Variants in CRIP2 observed in about 807,000 individuals in gnomAD.
CRIP2 encodes cysteine rich protein 2.
CRIP2 carries 31 observed loss-of-function variants against 31.3 expected under a neutral mutation model. The observed-to-expected ratio is 0.99, with a 90% CI of 0.74 to 1.34. CRIP2 has a LOEUF of 1.34. CRIP2 is among the 40% of genes most tolerant of loss of function. The pLI is 0.00. For missense variants in CRIP2, 389 were observed against 301.6 expected, an observed-to-expected ratio of 1.29 and a Z score of -2.15; for synonymous variants, 177 against 127.2, an observed-to-expected ratio of 1.39 and a Z score of -2.63.
chr14:105,478,604 C>T lies in CRIP2; in HGVS notation c.196+97C>T. 1 of 1,522,432 alleles carries T rather than the reference C, an allele frequency of 6.6e-7. No individual in the cohort carries two copies. Among genetic ancestry groups the T allele is most frequent in the African/African-American group, 1.4e-5 (1 of 72,722 alleles). 94.3% of individuals were successfully genotyped at this position (1,522,432 alleles called of 1,614,324 possible). On this transcript the variant is annotated intron_variant, in intron 3 of 7. Transcript: ENST00000329146. The surrounding 1 kb of genome is among the most constrained non-coding windows in gnomAD (Gnocchi z 4.9). ...TGGGGGTCCCGGCCGCCGTGGATCC[C>T]CGCCCAGAGTCCCTGCCACCCTGGA...
In CRIP2 at chr14:105,474,839, G is replaced by A; in HGVS notation, c.-24G>A. On this transcript the variant is annotated 5_prime_UTR_variant, in exon 1 of 8. Transcript: ENST00000329146. The surrounding 1 kb of genome is among the most constrained non-coding windows in gnomAD (Gnocchi z 5.1). ...GCCCGGAGGAGAACGGGCGGAGGGC[G>A]CGGGCCGACCGGGCGCACCGACCAT... 4.1e-6 allele frequency: 6 copies of A among 1,464,680 alleles called. No homozygotes were observed. Among genetic ancestry groups the A allele is most frequent in the Non-Finnish European group, 5.4e-6 (6 of 1,101,486 alleles). The allele number at this position is 1,464,680 out of a possible 1,614,324, so 90.7% of individuals were successfully genotyped here.
At position 105,478,561 on chromosome 14, in the gene CRIP2, G is replaced by T; in HGVS notation, c.196+54G>T. The T allele has an allele frequency of 1.3e-6, 2 of 1,569,040 alleles. No individual in the cohort carries two copies. The highest frequency in any genetic ancestry group is 1.7e-6 in the Non-Finnish European group (2 of 1,159,122). On this transcript the variant is annotated intron_variant, in intron 3 of 7. Transcript: ENST00000329146. This position sits in a 1 kb window ranked among gnomAD's most constrained non-coding sequence, Gnocchi z 4.9. ...TGGGACCTGCTGGGAGGGGCGTGGC[G>T]CTGGCGCTGGGGAGGGCTGGGGGTC...
chr14:105,478,157 C>A lies in CRIP2; in HGVS notation c.44-109C>A. On this transcript the variant is annotated intron_variant, in intron 1 of 7. Transcript: ENST00000329146. This position sits in a 1 kb window ranked among gnomAD's most constrained non-coding sequence, Gnocchi z 4.9. ...GGAAGGAAGGCGCCTGGGAGACCTC[C>A]TGAAAGTGGGGACCCCCGGAGCGCG... 1.2e-6 allele frequency: 1 copy of A among 867,614 alleles called. No homozygotes were observed. Among genetic ancestry groups the A allele is most frequent in the Non-Finnish European group, 1.7e-6 (1 of 596,568 alleles). 53.7% of individuals were successfully genotyped at this position (867,614 alleles called of 1,614,324 possible). A position where few individuals can be genotyped will look rare whatever the true frequency, so the allele number is the denominator to read the frequency against.
At chr14:105,479,342 C>T (rs2084035786) in intron 6 of CRIP2, 94 bp from the exon 7 acceptor site, 2 of 1,570,442 alleles carry the variant, frequency 1.3e-6, no homozygotes, top group African/African-American at 1.3e-5. Context: ...GCCCTCTCCC[C>T]CACGGCGAGC....
intron 1 of CRIP2, chr14:105,475,875 G>A: frequency 1.0e-6 from 1 of 985,520 alleles, no homozygotes; most frequent in Non-Finnish European, 1.2e-6. Flanking sequence ...GCAGAGAGGA[G>A]GGCCGGGACC....
rs1273735000 is a variant in CRIP2 at position 105,478,891 on chromosome 14, G to C, written c.337+20G>C. The stretch of plus-strand genomic sequence containing the variant: ...GCAGAGGTGGGCTGGGCGCGGGCTG[G>C]GGCTGGGGGTTGTGGGCACGCGCGG... On this transcript the variant is annotated intron_variant, in intron 4 of 7. Coordinates refer to ENST00000329146, the MANE Select transcript of CRIP2 (RefSeq NM_001312.4). This position sits in a 1 kb window ranked among gnomAD's most constrained non-coding sequence, Gnocchi z 4.9. The C allele has an allele frequency of 2.1e-6, 3 of 1,463,158 alleles. No homozygotes were observed. The highest frequency in any genetic ancestry group is 5.2e-5 in the East Asian group (2 of 38,738). The allele number at this position is 1,463,158 out of a possible 1,614,324, so 90.6% of individuals were successfully genotyped here. A position where few individuals can be genotyped will look rare whatever the true frequency, so the allele number is the denominator to read the frequency against.
At chr14:105,473,083 T>G, upstream of CRIP2, 1 of 795,940 alleles carries the variant, frequency 1.3e-6, no homozygotes, top group Non-Finnish European at 2.0e-6. Flanking sequence ...GGGAGGGTAA[T>G]GGCTTAGCCC....
chr14:105,479,622 A>ACCGGGACC lies in CRIP2; in HGVS notation c.600_607dup (p.Glu203GlyfsTer16), dbSNP rs2084046788. ...GGTGCGGTGGGCAGCTACATCTATGACCGGGACCCCGAAGGCAAGGTCCAG... is the reference window on the plus strand; with the variant it reads ...GGTGCGGTGGGCAGCTACATCTATGACCGGGACCCCGGGACCCCGAAGGCAAGGTCCAG... On this transcript the variant is annotated frameshift_variant, in exon 8 of 8. Transcript: ENST00000329146. LOFTEE classifies it high-confidence loss of function. 1 of 1,612,628 alleles carries ACCGGGACC rather than the reference A, an allele frequency of 6.2e-7. No homozygotes were observed. The highest frequency in any genetic ancestry group is 2.2e-5 in the East Asian group (1 of 44,898).
chr14:105,476,420 T>C, intron 1 of CRIP2: 1 of 985,406 alleles, frequency 1.0e-6, no homozygotes, highest in African/African-American at 1.7e-5. Context: ...CATACCTGAG[T>C]AGAACCCAGG....
At chr14:105,473,457 C>T (rs1555435171), upstream of CRIP2, 1 of 1,535,712 alleles carries the variant, frequency 6.5e-7, no homozygotes, top group Non-Finnish European at 8.7e-7. Flanking sequence ...GCCAGGAGCA[C>T]CGAGGGCCTC....
rs2084013591 is a variant in CRIP2, at chr14:105,478,795, C to T, written c.261C>T (p.Val87=). The T allele has an allele frequency of 2.1e-6, 3 of 1,432,436 alleles. No individual in the cohort carries two copies. Among genetic ancestry groups the T allele is most frequent in the Non-Finnish European group, 2.7e-6 (3 of 1,101,360 alleles). The allele number at this position is 1,432,436 out of a possible 1,614,324, so 88.7% of individuals were successfully genotyped here. ...YEKPLAEGPQ[V]TGPIEVPAAR... ...AGCCCCTGGCGGAGGGGCCGCAGGTCACCGGCCCCATCGAGGTCCCCGCGG... is the reference window on the plus strand; with the variant it reads ...AGCCCCTGGCGGAGGGGCCGCAGGTTACCGGCCCCATCGAGGTCCCCGCGG... Residue 87 remains valine, a synonymous_variant, in exon 4 of 8, where the codon GTC becomes GTT. Transcript: ENST00000329146. The surrounding 1 kb of genome is among the most constrained non-coding windows in gnomAD (Gnocchi z 4.9).
chr14:105,473,629 G>T, upstream of CRIP2: 1 of 1,302,316 alleles, frequency 7.7e-7, no homozygotes, highest in Non-Finnish European at 1.0e-6. Context: ...CTCCCAGGCC[G>T]ACGCTCAGCT....
In CRIP2 at chr14:105,476,159, C is replaced by T. The variant is rs935213398; in HGVS notation, c.43+1254C>T. On this transcript the variant is annotated intron_variant, in intron 1 of 7. Coordinates refer to ENST00000329146, the MANE Select transcript of CRIP2 (RefSeq NM_001312.4). ...TAAGGCTTAGGGTGGGAGACGGTCC[C>T]CAGGGCCCTTCTGCAGTCCAACTGC... 1.5e-5 allele frequency: 15 copies of T among 985,498 alleles called. No homozygotes were observed. The East Asian group carries it at 1.4e-3, about 89-fold the overall frequency. 61.0% of individuals were successfully genotyped at this position (985,498 alleles called of 1,614,324 possible). A position where few individuals can be genotyped will look rare whatever the true frequency, so the allele number is the denominator to read the frequency against.
upstream of CRIP2, chr14:105,473,596 C>G (rs901123379): frequency 7.0e-7 from 1 of 1,436,196 alleles, no homozygotes; most frequent in Non-Finnish European, 9.2e-7. Flanking sequence ...GGCCTGATCA[C>G]TGGGCTTCTG....
In CRIP2 at chr14:105,479,817, C is replaced by G. The variant is rs587653149; in HGVS notation, c.*164C>G. On this transcript the variant is annotated 3_prime_UTR_variant, in exon 8 of 8. Transcript: ENST00000329146. ...ACGGGCAGAGCACCATGCCCATCCC[C>G]GAGTCTCTGGTGTGTCTGCCCCCTC... is the stretch of plus-strand genomic sequence containing the variant. The G allele has an allele frequency of 2.8e-6, 2 of 723,454 alleles. No homozygotes were observed. The allele number at this position is 723,454 out of a possible 1,614,324, so 44.8% of individuals were successfully genotyped here. A position where few individuals can be genotyped will look rare whatever the true frequency, so the allele number is the denominator to read the frequency against.
intron 1 of CRIP2, chr14:105,476,095 C>T (rs1241565013): frequency 8.1e-6 from 8 of 985,474 alleles, no homozygotes; most frequent in African/African-American, 1.7e-5. Flanking sequence ...CTGGAGCCCG[C>T]TCAGCCCTCA....
chr14:105,478,605 C>G lies in CRIP2; in HGVS notation c.196+98C>G. On this transcript the variant is annotated intron_variant, in intron 3 of 7. Coordinates refer to ENST00000329146, the MANE Select transcript of CRIP2 (RefSeq NM_001312.4). This position sits in a 1 kb window ranked among gnomAD's most constrained non-coding sequence, Gnocchi z 4.9. ...GGGGGTCCCGGCCGCCGTGGATCCC[C>G]GCCCAGAGTCCCTGCCACCCTGGAA... The G allele has an allele frequency of 2.0e-6, 3 of 1,518,570 alleles. No homozygotes were observed. The highest frequency in any genetic ancestry group is 2.7e-6 in the Non-Finnish European group (3 of 1,130,444). The allele number at this position is 1,518,570 out of a possible 1,614,324, so 94.1% of individuals were successfully genotyped here. A position where few individuals can be genotyped will look rare whatever the true frequency, so the allele number is the denominator to read the frequency against.
Position 105,479,766 on chromosome 14 carries a change from G to C in CRIP2, c.*113G>C, listed in dbSNP as rs2084051630. The C allele has an allele frequency of 8.2e-7, 1 of 1,223,810 alleles. No individual in the cohort carries two copies. The highest frequency in any genetic ancestry group is 2.0e-5 in the Admixed American group (1 of 48,940). 75.8% of individuals were successfully genotyped at this position (1,223,810 alleles called of 1,614,324 possible). ...CCGCCCAGTCCTGCCTGCAAGCCCAGGGCGAGTATTGGAGGAGGGGCAGCC... is the reference window on the plus strand; with the variant it reads ...CCGCCCAGTCCTGCCTGCAAGCCCACGGCGAGTATTGGAGGAGGGGCAGCC... On this transcript the variant is annotated 3_prime_UTR_variant, in exon 8 of 8. Transcript: ENST00000329146.
chr14:105,475,846 G>C, intron 1 of CRIP2: 1 of 985,508 alleles, frequency 1.0e-6, no homozygotes, highest in Non-Finnish European at 1.2e-6. Flanking sequence ...GCTGCACGAA[G>C]GGGGGCAGAC....
Sources: allele counts gnomAD v4.1 joint callset, GRCh38; gene constraint gnomAD v4.1.1; non-coding constraint Gnocchi (gnomAD v3.1); transcripts MANE v1.5; gene names NCBI Gene and HGNC (gene_info 2026-07-23, HGNC 2026-07-21).